Variants in LOXHD1 observed in about 807,000 individuals in gnomAD.
LOXHD1 encodes lipoxygenase homology PLAT domains 1.
Under a neutral mutation model 248.2 loss-of-function variants are expected in LOXHD1, and 205 were observed. The ratio of observed to expected loss-of-function variants is 0.83; its 90% CI spans 0.74 to 0.93. LOXHD1 has a LOEUF of 0.93. Among genes scored for constraint, LOXHD1 ranks in the 40% least tolerant of loss-of-function variants. LOXHD1 has a pLI of 0.00. For synonymous variants in LOXHD1, 1,113 were observed against 1,162.8 expected (o/e 0.96, Z 0.87); for missense variants, 2,930 against 2,971.6 (o/e 0.99, Z 0.33).
chr18:46,487,765 G>A (rs2033166081), intron 38 of LOXHD1, among the ~76,000 whole-genome samples: 1 of 152,222 alleles, frequency 6.6e-6, no homozygotes, highest in Admixed American at 6.5e-5. Flanking sequence ...TACATGGGAG[G>A]AAACAGAGTT....
rs904168380 is a variant in LOXHD1, at chr18:46,649,211, G to C, written c.189C>G (p.Val63=). 1.1e-5 allele frequency: 17 copies of C among 1,551,696 alleles called. No individual in the cohort carries two copies. Among genetic ancestry groups the C allele is most frequent in the Non-Finnish European group, 1.4e-5 (16 of 1,147,034 alleles). Reference sequence around the variant, plus strand: ...CATTCTCTCCAAAAAGCGTGATGAAGACATTGGCATCCGTCCCTGCACCGC... The same window carrying C: ...CATTCTCTCCAAAAAGCGTGATGAACACATTGGCATCCGTCCCTGCACCGC... The part of the protein sequence containing the change: ...DVRGAGTDAN[V]FITLFGENGL... The change falls in exon 2 of 41, where the codon GTC becomes GTG. Residue 63 remains valine (V), a synonymous_variant. Transcript: ENST00000642948.
intron 29 of LOXHD1, among the ~76,000 whole-genome samples, chr18:46,526,398 C>A (rs566164392): frequency 6.6e-6 from 1 of 152,178 alleles, no homozygotes; most frequent in Non-Finnish European, 1.5e-5. Context: ...CAGCCATGCA[C>A]GCCAAGGGCA....
intron 21 of LOXHD1, chr18:46,555,173 A>C (rs1185686098): frequency 2.1e-6 from 1 of 471,156 alleles, no homozygotes; most frequent in Admixed American, 2.3e-5. Context: ...GTTTGTCCCC[A>C]GCCTCATGGT....
At chr18:46,564,027 C>CATACTT (rs140753910) in intron 17 of LOXHD1, among the ~76,000 whole-genome samples, 2,930 of 152,072 alleles carry the variant, frequency 0.019, 113 homozygotes, top group African/African-American at 0.067. Context: ...ATAATATTGA[C>CATACTT]ATAATAATAT....
chr18:46,577,869 T>A lies in LOXHD1; in HGVS notation c.1810-2A>T, dbSNP rs1410967693. 1 of 1,551,544 alleles carries A rather than the reference T, an allele frequency of 6.4e-7. No homozygotes were observed. Among genetic ancestry groups the A allele is most frequent in the East Asian group, 2.4e-5 (1 of 40,900 alleles). ...AGACTCGATAGTGAACTCGTCAGCC[T>A]TGTGGGGGGAAACCACAAGGCCAGT... On this transcript the variant is annotated splice_acceptor_variant, in intron 13 of 40. Coordinates refer to ENST00000642948, the MANE Select transcript of LOXHD1 (RefSeq NM_001384474.1). LOFTEE classifies it high-confidence loss of function.
chr18:46,494,915 A>T (rs1326346186), intron 37 of LOXHD1, among the ~76,000 whole-genome samples: 1 of 130,642 alleles, frequency 7.7e-6, no homozygotes, highest in East Asian at 2.2e-4. Context: ...GTGCAGTGGC[A>T]CGATCTCAGC....
At position 46,546,165 on chromosome 18, in the gene LOXHD1, G is replaced by A. The variant is rs140708182; in HGVS notation, c.3514+730C>T. The stretch of plus-strand genomic sequence containing the variant: ...GGAGTTTTAGGGATGCATATTTCAG[G>A]GGAGCATCATAGAACTCTTGAAAGT... On this transcript the variant is annotated intron_variant, in intron 22 of 40. Coordinates refer to ENST00000642948, the MANE Select transcript of LOXHD1 (RefSeq NM_001384474.1). 2.3e-4 allele frequency among the ~76,000 whole-genome samples: 35 copies of A among 151,658 alleles called. No homozygotes were observed. The East Asian group carries it at 5.6e-3, about 24-fold the overall frequency.
rs569144159 is a variant in LOXHD1 at position 46,574,388 on chromosome 18, T to TACACACACAC, written c.1971-2236_1971-2227dup. Among the ~76,000 whole-genome samples the TACACACACAC allele has an allele frequency of 8.6e-3, 1,074 of 125,296 alleles. 20 individuals carry two copies. The highest frequency in any genetic ancestry group is 0.023 in the African/African-American group (695 of 29,644). The allele number at this position is 125,296 out of a possible 152,430, so 82.2% of individuals were successfully genotyped here. A position where few individuals can be genotyped will look rare whatever the true frequency, so the allele number is the denominator to read the frequency against. On this transcript the variant is annotated intron_variant, in intron 14 of 40. Coordinates refer to ENST00000642948, the MANE Select transcript of LOXHD1 (RefSeq NM_001384474.1). ...TCACAGGAGTGTGTGTGTGTACACATACACACACACACACACACACACACA... is the reference window on the plus strand; with the variant it reads ...TCACAGGAGTGTGTGTGTGTACACATACACACACACACACACACACACACACACACACACA...
rs771306615 is a variant in LOXHD1 at position 46,524,786 on chromosome 18, G to T, written c.4662C>A (p.Asp1554Glu). Residue 1554 changes from aspartate (D) to glutamate (E), a missense_variant, in exon 30 of 41, where the codon GAC becomes GAA. Asp to Glu is a conservative substitution (Grantham distance 45). Transcript: ENST00000642948. ...KVEIWNDTNE[D>E]EFLFLCGRWL... ...AGCGCCCGCATAGGAACAGGAACTC[G>T]TCCTCGTTGGTGTCATTCCAGATCT... 2.6e-6 allele frequency: 4 copies of T among 1,551,626 alleles called. No individual in the cohort carries two copies. The South Asian group carries it at 3.6e-5, about 14-fold the overall frequency.
chr18:46,537,024 C>T (rs2036342864), intron 26 of LOXHD1, among the ~76,000 whole-genome samples: 1 of 152,190 alleles, frequency 6.6e-6, no homozygotes, highest in Non-Finnish European at 1.5e-5. Context: ...CTACTCAAAC[C>T]TCAAGCCACA....
At chr18:46,552,621 C>T (rs541415102) in intron 21 of LOXHD1, among the ~76,000 whole-genome samples, 10 of 152,316 alleles carry the variant, frequency 6.6e-5, no homozygotes, top group African/African-American at 2.4e-4. Flanking sequence ...GGAGCCAAGG[C>T]CTCCACAGCT....
chr18:46,656,728 C>G (rs1288893512), intron 1 of LOXHD1, among the ~76,000 whole-genome samples, 176 bp downstream of exon 1: 1 of 152,188 alleles, frequency 6.6e-6, no homozygotes, highest in East Asian at 1.9e-4. Context: ...GGGACCCCAC[C>G]ATCCCTGCAT....
chr18:46,637,483 G>A (rs1029249827), intron 4 of LOXHD1, among the ~76,000 whole-genome samples: 8 of 152,180 alleles, frequency 5.3e-5, no homozygotes, highest in African/African-American at 1.9e-4. Context: ...TTGACAGTGT[G>A]CTAACGATTG....
chr18:46,636,365 G>A (rs16939847), intron 4 of LOXHD1, among the ~76,000 whole-genome samples: 35,081 of 152,152 alleles, frequency 0.23, 4,249 homozygotes, highest in East Asian at 0.37. Flanking sequence ...CCTACAGGTA[G>A]GGCAGGCTCC....
chr18:46,538,415 C>T lies in LOXHD1; in HGVS notation c.3914-78G>A, dbSNP rs2036412348. The T allele has an allele frequency of 4.4e-6, 6 of 1,363,340 alleles. No individual in the cohort carries two copies. In the Admixed American group the frequency reaches 6.0e-5, roughly 14 times the overall value. 84.5% of individuals were successfully genotyped at this position (1,363,340 alleles called of 1,614,324 possible). On this transcript the variant is annotated intron_variant, in intron 25 of 40. Transcript: ENST00000642948. ...AAACATGGTGAGAGCCAGTTCTTCA[C>T]CAGCACAACCAGCCCAGACCCTTGC...
intron 37 of LOXHD1, 128 bp from the exon 38 acceptor site, chr18:46,489,270 C>A: frequency 1.0e-6 from 1 of 964,308 alleles, no homozygotes; most frequent in Non-Finnish European, 1.6e-6. Flanking sequence ...GGGCCTTGAT[C>A]TCCTTGTTGA....
At chr18:46,500,526 TC>T (rs2143806377) in intron 37 of LOXHD1, among the ~76,000 whole-genome samples, 1 of 152,286 alleles carries the variant, frequency 6.6e-6, no homozygotes, top group African/African-American at 2.4e-5. Context: ...CCCACCAATT[TC>T]TTAATCATCT....
At chr18:46,602,756 A>C (rs1034685766) in intron 7 of LOXHD1, among the ~76,000 whole-genome samples, 2 of 152,068 alleles carry the variant, frequency 1.3e-5, no homozygotes, top group African/African-American at 4.8e-5. Context: ...GGAGTAAATA[A>C]ATAAAAAGGA....
At chr18:46,650,028 C>T (rs994712058) in intron 1 of LOXHD1, among the ~76,000 whole-genome samples, 8 of 152,034 alleles carry the variant, frequency 5.3e-5, no homozygotes, top group African/African-American at 1.9e-4. Context: ...ATACCCATTT[C>T]CAGAAGCAAC....
Sources: allele counts gnomAD v4.1 joint callset (sites outside exome capture counted in the v4.1 genomes callset), GRCh38; gene constraint gnomAD v4.1.1; transcripts MANE v1.5; gene names NCBI Gene and HGNC (gene_info 2026-07-23, HGNC 2026-07-21).